Variants in PNPLA8 observed in about 807,000 individuals in gnomAD.
PNPLA8 encodes the protein calcium-independent phospholipase A2-gamma.
PNPLA8 carries 39 observed loss-of-function variants against 76.9 expected under a neutral mutation model. The ratio of observed to expected loss-of-function variants is 0.51; its 90% CI spans 0.39 to 0.66. The LOEUF is 0.66. Among genes scored for constraint, PNPLA8 ranks in the 30% least tolerant of loss-of-function variants. The pLI is 0.00. For synonymous variants in PNPLA8, 301 were observed against 307.9 expected (o/e 0.98, Z 0.24); for missense variants, 887 against 918.0 (o/e 0.97, Z 0.44).
rs528830336 is a variant in PNPLA8 at position 108,525,091 on chromosome 7, G to T, written c.-130+938C>A. On this transcript the variant is annotated intron_variant, in intron 1 of 10. Transcript: ENST00000257694. ...GTCCTGATATAGAAATAAAAAAAGA[G>T]ATCAACATTAAGAAAAAGTTGATTA... 3.9e-5 allele frequency among the ~76,000 whole-genome samples: 6 copies of T among 152,236 alleles called. No homozygotes were observed. The East Asian group carries it at 1.2e-3, about 29-fold the overall frequency.
intron 1 of PNPLA8, 67 bp downstream of exon 1, chr7:108,525,962 G>T: frequency 1.3e-6 from 1 of 742,154 alleles, no homozygotes; most frequent in Non-Finnish European, 1.6e-6. Context: ...CCGGAGCGCC[G>T]GACAAGGGTC....
upstream of PNPLA8, chr7:108,526,184 C>G: frequency 2.7e-6 from 2 of 744,472 alleles, no homozygotes; most frequent in Non-Finnish European, 3.3e-6. Context: ...CGCTCCGCCC[C>G]CAGCGGAAGT....
At chr7:108,505,600 A>G (rs938397371) in intron 4 of PNPLA8, among the ~76,000 whole-genome samples, 3 of 151,476 alleles carry the variant, frequency 2.0e-5, no homozygotes, top group African/African-American at 4.9e-5. Flanking sequence ...TGATCTCGTG[A>G]TCTGCCCACC....
rs746801047 is a variant in PNPLA8, at chr7:108,472,518, T to C, written c.2232A>G (p.Lys744=). The change falls in exon 11 of 11, where the codon AAA becomes AAG. Residue 744 remains lysine, a synonymous_variant. Coordinates refer to ENST00000257694, the MANE Select transcript of PNPLA8 (RefSeq NM_001256007.3). The stretch of plus-strand genomic sequence containing the variant: ...TTAATATTTTTGCAACTTTTTTCAT[T>C]TTTTGTTCATTTCTTTCTATGTATT... ...GLKYIERNEQ[K]MKKVAKILSQ... is the part of the protein sequence containing the mutation. 1 of 1,610,738 alleles carries C rather than the reference T, an allele frequency of 6.2e-7. No individual in the cohort carries two copies. The highest frequency in any genetic ancestry group is 8.5e-7 in the Non-Finnish European group (1 of 1,179,240).
At chr7:108,483,538 A>G (rs933078490) in intron 9 of PNPLA8, among the ~76,000 whole-genome samples, 1 of 152,240 alleles carries the variant, frequency 6.6e-6, no homozygotes, top group Non-Finnish European at 1.5e-5. Flanking sequence ...TCTTTTACTT[A>G]GAAGAATGCT....
At chr7:108,505,917 A>G (rs1862387390) in intron 4 of PNPLA8, among the ~76,000 whole-genome samples, 1 of 152,194 alleles carries the variant, frequency 6.6e-6, no homozygotes, top group African/African-American at 2.4e-5. Context: ...AAGTTGGTGA[A>G]CCCAATGGAA....
At chr7:108,499,368 G>A (rs1245493238) in intron 5 of PNPLA8, among the ~76,000 whole-genome samples, 7 of 152,100 alleles carry the variant, frequency 4.6e-5, no homozygotes, top group African/African-American at 1.7e-4. Context: ...TATCTGCCAA[G>A]TTGCCACAGC....
chr7:108,502,396 T>C (rs893404439), intron 5 of PNPLA8, 95 bp downstream of exon 5: 4 of 1,044,778 alleles, frequency 3.8e-6, no homozygotes, highest in South Asian at 1.7e-5. Flanking sequence ...TGAGCTGAGA[T>C]TGTGCCACTG....
intron 2 of PNPLA8, 62 bp from the exon 3 acceptor site, chr7:108,515,636 A>T (rs1863284916): frequency 2.1e-6 from 2 of 962,840 alleles, no homozygotes; most frequent in South Asian, 8.4e-5. Context: ...TATAACAGAA[A>T]ACACAAGACT....
At chr7:108,486,118 A>G (rs1230779892) in intron 9 of PNPLA8, among the ~76,000 whole-genome samples, 2 of 152,128 alleles carry the variant, frequency 1.3e-5, no homozygotes, top group Non-Finnish European at 1.5e-5. Context: ...TATATTCAAC[A>G]GTACTGAATT....
At chr7:108,516,942 G>A (rs534448519) in intron 2 of PNPLA8, among the ~76,000 whole-genome samples, 121 of 151,784 alleles carry the variant, frequency 8.0e-4, no homozygotes, top group Non-Finnish European at 8.4e-4. Context: ...CTTCTGCTCT[G>A]TGAAGGTCAA....
At chr7:108,477,318 G>C (rs1860068533) in intron 10 of PNPLA8, among the ~76,000 whole-genome samples, 1 of 152,126 alleles carries the variant, frequency 6.6e-6, no homozygotes, top group South Asian at 2.1e-4. Context: ...GTATTTTACT[G>C]ATCTGGCAAC....
In PNPLA8 at chr7:108,518,748, TATATATATATAC is replaced by T. The variant is rs1280366008; in HGVS notation, c.-84+2716_-84+2727del. Among the ~76,000 whole-genome samples the T allele has an allele frequency of 7.4e-3, 686 of 93,144 alleles. 8 individuals are homozygous for T. Among genetic ancestry groups the T allele is most frequent in the African/African-American group, 0.023 (588 of 26,078 alleles). 61.1% of individuals were successfully genotyped at this position (93,144 alleles called of 152,430 possible). On this transcript the variant is annotated intron_variant, in intron 2 of 10. Coordinates refer to ENST00000257694, the MANE Select transcript of PNPLA8 (RefSeq NM_001256007.3). Reference sequence around the variant, plus strand: ...ATATATATATATATATATATATATATATATATATATACACACACACACACACATATATTAAGA... The same window carrying T: ...ATATATATATATATATATATATATATACACACACACACACATATATTAAGA...
At chr7:108,517,101 G>GT (rs1367315352) in intron 2 of PNPLA8, among the ~76,000 whole-genome samples, 1 of 152,298 alleles carries the variant, frequency 6.6e-6, no homozygotes, top group African/African-American at 2.4e-5. Flanking sequence ...GCCAAAGGCC[G>GT]TAACAGACAC....
intron 8 of PNPLA8, 50 bp downstream of exon 8, chr7:108,491,360 C>G (rs1487959183): frequency 1.8e-6 from 2 of 1,109,382 alleles, no homozygotes; most frequent in Non-Finnish European, 2.7e-6. Flanking sequence ...GTGCTTTCAC[C>G]AGACCTTCAG....
In PNPLA8 at chr7:108,496,084, A is replaced by T. The variant is rs75952305; in HGVS notation, c.1625+500T>A. Among the ~76,000 whole-genome samples, 969 of 152,130 alleles carry T rather than the reference A, an allele frequency of 6.4e-3. 14 individuals are homozygous for T. The highest frequency in any genetic ancestry group is 0.022 in the African/African-American group (927 of 41,484). ...TCTTCTCTCTACTAAAAACAGAAAA[A>T]ATTAGCTGGGCATGGTGGTGCACAC... On this transcript the variant is annotated intron_variant, in intron 7 of 10. Coordinates refer to ENST00000257694, the MANE Select transcript of PNPLA8 (RefSeq NM_001256007.3).
Position 108,514,774 on chromosome 7 carries a change from T to C in PNPLA8, c.718A>G (p.Lys240Glu). Residue 240 changes from lysine (K) to glutamate (E), a missense_variant, in exon 3 of 11, where the codon AAG becomes GAG. Transcript: ENST00000257694. ...FRDKSELEDK[K>E]VEEGKLRSPD... ...GATCTTAATTTCCCCTCTTCTACCT[T>C]TTTATCTTCAAGTTCTGATTTGTCC... 6.2e-7 allele frequency: 1 copy of C among 1,613,356 alleles called. No homozygotes were observed. The highest frequency in any genetic ancestry group is 8.5e-7 in the Non-Finnish European group (1 of 1,179,500).
chr7:108,516,596 GA>G (rs1863359573), intron 2 of PNPLA8, among the ~76,000 whole-genome samples: 1 of 152,156 alleles, frequency 6.6e-6, no homozygotes, highest in South Asian at 2.1e-4. Flanking sequence ...TGGTAAGGTA[GA>G]CTTCATTAAT....
intron 10 of PNPLA8, among the ~76,000 whole-genome samples, chr7:108,476,280 C>G (rs1019677094): frequency 1.3e-5 from 2 of 152,152 alleles, no homozygotes; most frequent in African/African-American, 4.8e-5. Context: ...TTTCATGTTT[C>G]TTGAAAATTC....
Sources: allele counts gnomAD v4.1 joint callset (sites outside exome capture counted in the v4.1 genomes callset), GRCh38; gene constraint gnomAD v4.1.1; transcripts MANE v1.5; gene names NCBI Gene and HGNC (gene_info 2026-07-23, HGNC 2026-07-21).